CLEC12A: variants seen among roughly 807,000 people sequenced by gnomAD.
CLEC12A encodes C-type lectin protein CLL-1.
A neutral mutation model predicts 26.5 loss-of-function variants in CLEC12A; 22 were observed. The ratio of observed to expected loss-of-function variants is 0.83; its 90% CI spans 0.59 to 1.19. CLEC12A has a LOEUF of 1.19. Among genes scored for constraint, CLEC12A ranks in the 50% most tolerant of loss-of-function variants. CLEC12A has a pLI of 0.00. For missense variants in CLEC12A, 353 were observed against 315.6 expected (o/e 1.12, Z -0.90); for synonymous variants, 119 against 101.9 (o/e 1.17, Z -1.01).
chr12:9,978,350 G>T (rs755610362), intron 1 of CLEC12A, among the ~76,000 whole-genome samples: 4 of 151,508 alleles, frequency 2.6e-5, no homozygotes, highest in Non-Finnish European at 5.9e-5. Flanking sequence ...TTCAATAAAA[G>T]TTTCTTGCAA....
chr12:9,967,205 G>A (rs925254001), upstream of CLEC12A, among the ~76,000 whole-genome samples: 6 of 151,976 alleles, frequency 3.9e-5, no homozygotes, highest in African/African-American at 1.2e-4. Context: ...GCGATGCTTG[G>A]GGTTGGGACT....
At chr12:9,958,623 G>A (rs1591810975) in intron 1 of CLEC12A, among the ~76,000 whole-genome samples, 1 of 152,184 alleles carries the variant, frequency 6.6e-6, no homozygotes, top group East Asian at 1.9e-4. Flanking sequence ...TGTAACAAAA[G>A]CCCACCACGA....
Position 9,971,549 on chromosome 12 carries a change from T to C in CLEC12A, c.-48T>C, listed in dbSNP as rs754473519. On this transcript the variant is annotated 5_prime_UTR_variant, in exon 1 of 6. Coordinates refer to ENST00000304361, the MANE Select transcript of CLEC12A (RefSeq NM_138337.6). The stretch of plus-strand genomic sequence containing the variant: ...ACATTCAGCTCTGTTAACTCACTCA[T>C]CTTTTTGTGTTTTTACACTTTGTCA... 12 of 1,583,924 alleles carry C rather than the reference T, an allele frequency of 7.6e-6. No homozygotes were observed. Among genetic ancestry groups the C allele is most frequent in the African/African-American group, 1.4e-5 (1 of 73,584 alleles).
At chr12:9,976,545 C>G (rs574835378) in intron 1 of CLEC12A, among the ~76,000 whole-genome samples, 19 of 152,290 alleles carry the variant, frequency 1.2e-4, no homozygotes, top group African/African-American at 4.3e-4. Flanking sequence ...TAGGAAGTAA[C>G]TAACTTTCTT....
chr12:9,971,652 A>G lies in CLEC12A; in HGVS notation c.56A>G (p.Glu19Gly). 1 of 1,610,436 alleles carries G rather than the reference A, an allele frequency of 6.2e-7. No individual in the cohort carries two copies. Among genetic ancestry groups the G allele is most frequent in the Non-Finnish European group, 8.5e-7 (1 of 1,178,204 alleles). Reference protein sequence around the residue: ...DLQFQNSSEMEKIPEIGKFGE... With the variant: ...DLQFQNSSEMGKIPEIGKFGE... ...CAATTCCAGAACTCCAGTGAGATGG[A>G]AAAAATCCCAGAAATTGGCAAATTT... Residue 19 changes from glutamate to glycine, a missense_variant, in exon 1 of 6, where the codon GAA (glutamate) becomes GGA (glycine). Coordinates refer to ENST00000304361, the MANE Select transcript of CLEC12A (RefSeq NM_138337.6).
At chr12:10,000,596 T>A (rs1328516916), downstream of CLEC12A, among the ~76,000 whole-genome samples, 1 of 152,252 alleles carries the variant, frequency 6.6e-6, no homozygotes, top group African/African-American at 2.4e-5. Flanking sequence ...TTGCTGTGTT[T>A]CTTATCTCAG....
intron 1 of CLEC12A, chr12:9,951,517 G>C: frequency 1.6e-6 from 1 of 640,718 alleles, no homozygotes; most frequent in Non-Finnish European, 2.9e-6. Context: ...TAGTAATTGA[G>C]TATGTGTCTG....
chr12:9,991,267 G>A (rs935945730), intron 4 of CLEC12A: 3 of 152,092 alleles, frequency 2.0e-5, no homozygotes, highest in South Asian at 2.1e-4. Flanking sequence ...TGCTACTAAC[G>A]TTTGTGCTAT....
At chr12:9,998,248 C>G, downstream of CLEC12A, 2 of 1,541,520 alleles carry the variant, frequency 1.3e-6, no homozygotes, top group Non-Finnish European at 1.8e-6. Context: ...TATTACCTTC[C>G]TCCAGTCAAA....
intron 1 of CLEC12A, among the ~76,000 whole-genome samples, chr12:9,973,308 T>A (rs906407816): frequency 6.3e-4 from 95 of 151,578 alleles, no homozygotes; most frequent in African/African-American, 1.3e-3. Context: ...AAAAAAAAAA[T>A]TTTTTTAATT....
rs766312863 is a variant in CLEC12A at position 9,971,651 on chromosome 12, G to GA, written c.61dup (p.Ile21AsnfsTer63). On this transcript the variant is annotated frameshift_variant, in exon 1 of 6. Transcript: ENST00000304361. LOFTEE classifies it high-confidence loss of function. ...TCAATTCCAGAACTCCAGTGAGATG[G>GA]AAAAAATCCCAGAAATTGGCAAATT... 14 of 1,609,898 alleles carry GA rather than the reference G, an allele frequency of 8.7e-6. No homozygotes were observed. Among genetic ancestry groups the GA allele is most frequent in the African/African-American group, 4.0e-5 (3 of 74,704 alleles).
exon 5 of CLEC12A, chr12:9,995,242 T>C (rs1340295867): frequency 4.3e-6 from 7 of 1,611,338 alleles, no homozygotes; most frequent in East Asian, 2.2e-5. Context: ...GGCTTTGATG[T>C]ACTCCTATTG....
chr12:9,998,750 T>C (rs992872476), downstream of CLEC12A, among the ~76,000 whole-genome samples: 1 of 152,170 alleles, frequency 6.6e-6, no homozygotes, highest in Admixed American at 6.5e-5. Context: ...TGCTCACATA[T>C]AGAAAATGAA....
chr12:9,986,703 C>T (rs927678403), downstream of CLEC12A, among the ~76,000 whole-genome samples: 1 of 152,016 alleles, frequency 6.6e-6, no homozygotes, highest in Admixed American at 6.6e-5. Flanking sequence ...CCCAGCTACT[C>T]GGGAGGCTGA....
exon 5 of CLEC12A, chr12:9,995,349 AC>A: frequency 1.1e-6 from 1 of 895,594 alleles, no homozygotes; most frequent in Non-Finnish European, 1.9e-6. Context: ...ATGTTGGATT[AC>A]ATGTCTATAT....
chr12:9,993,405 AC>A, intron 4 of CLEC12A: 3 of 668,256 alleles, frequency 4.5e-6, no homozygotes, highest in Non-Finnish European at 6.8e-6. Flanking sequence ...GGAAAAAAAA[AC>A]AAAAAAAAAA....
At chr12:9,967,785 G>A (rs1863999042), upstream of CLEC12A, among the ~76,000 whole-genome samples, 1 of 152,132 alleles carries the variant, frequency 6.6e-6, no homozygotes, top group African/African-American at 2.4e-5. Flanking sequence ...ACGGAGAGAA[G>A]GGGTTGGGGG....
chr12:9,986,958 A>G (rs633874), downstream of CLEC12A, among the ~76,000 whole-genome samples: 89,943 of 152,104 alleles, frequency 0.59, 27,187 homozygotes, highest in East Asian at 0.89. Context: ...AAATTCTTTT[A>G]TTTTAAAAGA....
chr12:9,961,889 A>G (rs1420732273), intron 1 of CLEC12A, among the ~76,000 whole-genome samples: 1 of 152,206 alleles, frequency 6.6e-6, no homozygotes, highest in Non-Finnish European at 1.5e-5. Context: ...ACTGACTCTC[A>G]TGTATAATAT....
Sources: allele counts gnomAD v4.1 joint callset (sites outside exome capture counted in the v4.1 genomes callset), GRCh38; gene constraint gnomAD v4.1.1; transcripts MANE v1.5; gene names NCBI Gene and HGNC (gene_info 2026-07-23, HGNC 2026-07-21).